Variants in SEPTIN6 observed in about 807,000 individuals in gnomAD.
The protein encoded by SEPTIN6 is septin 6, also known as septin-6.
A neutral mutation model predicts 33.6 loss-of-function variants in SEPTIN6; 8 were observed. The ratio of observed to expected loss-of-function variants is 0.24; its 90% CI spans 0.14 to 0.43. The LOEUF is 0.43. Ranked by LOEUF, SEPTIN6 falls within the 20% of genes least tolerant of loss-of-function variation. The pLI, the probability that SEPTIN6 is intolerant of heterozygous loss-of-function variation, is 1.00. For synonymous variants in SEPTIN6, 131 were observed against 140.0 expected (o/e 0.94, Z 0.45); for missense variants, 250 against 340.8 (o/e 0.73, Z 2.10).
chrX:119,638,657 T>C (rs949962957), intron 6 of SEPTIN6, among the ~76,000 whole-genome samples: 1 of 111,600 alleles, frequency 9.0e-6, no homozygotes, highest in Admixed American at 9.5e-5. Flanking sequence ...TAAGACCCAC[T>C]GAATTAGGAA....
intron 2 of SEPTIN6, among the ~76,000 whole-genome samples, chrX:119,672,773 G>A (rs888771393): frequency 1.8e-5 from 2 of 112,309 alleles, no homozygotes; most frequent in African/African-American, 6.5e-5. Flanking sequence ...ACTTGATGTC[G>A]ATTACTGTGA....
chrX:119,671,789 T>C (rs1443650633), intron 2 of SEPTIN6, among the ~76,000 whole-genome samples: 1 of 111,320 alleles, frequency 9.0e-6, no homozygotes, highest in East Asian at 2.9e-4. Context: ...AAGAAAATAC[T>C]TTGGGGAAAT....
At chrX:119,677,393 C>G (rs923416520) in intron 1 of SEPTIN6, among the ~76,000 whole-genome samples, 4 of 112,105 alleles carry the variant, frequency 3.6e-5, no homozygotes, top group Non-Finnish European at 7.5e-5. Flanking sequence ...CCAACGGCCA[C>G]AGGGGAGGGG....
chrX:119,619,803 G>T lies in SEPTIN6; in HGVS notation c.*290C>A. On this transcript the variant is annotated 3_prime_UTR_variant, in exon 11 of 11. Coordinates refer to ENST00000394610, the MANE Select transcript of SEPTIN6 (RefSeq NM_145799.4). The stretch of plus-strand genomic sequence containing the variant: ...TCTGGCAAAGATGTGGGGGAAGACA[G>T]GGGGGATGGCTGGGGGTGCTGGGAG... 9.6e-7 allele frequency: 1 copy of T among 1,038,412 alleles called. No homozygotes were observed. The highest frequency in any genetic ancestry group is 1.2e-6 in the Non-Finnish European group (1 of 808,952). 85.6% of individuals were successfully genotyped at this position (1,038,412 alleles called of 1,213,427 possible). A position where few individuals can be genotyped will look rare whatever the true frequency, so the allele number is the denominator to read the frequency against.
intron 2 of SEPTIN6, among the ~76,000 whole-genome samples, chrX:119,671,381 G>A (rs1372075259): frequency 1.9e-5 from 2 of 107,222 alleles, no homozygotes; most frequent in East Asian, 3.0e-4. Flanking sequence ...TCCGCCTCCC[G>A]GGTTCACGCC....
chrX:119,620,040 A>G lies in SEPTIN6; in HGVS notation c.*53T>C. ...TGTTGCGCAGGAAAAGGGTGTCTAC[A>G]GGAAGCCCAAACTGAAAATGAAAAG... On this transcript the variant is annotated 3_prime_UTR_variant, in exon 11 of 11. Transcript: ENST00000394610. The G allele has an allele frequency of 8.3e-7, 1 of 1,205,962 alleles. No individual in the cohort carries two copies. Among genetic ancestry groups the G allele is most frequent in the Non-Finnish European group, 1.1e-6 (1 of 891,839 alleles).
chrX:119,624,162 T>G (rs1409658987), intron 10 of SEPTIN6: 20 of 242,515 alleles, frequency 8.2e-5, no homozygotes, highest in African/African-American at 4.2e-4. Flanking sequence ...TTTTTGTTTT[T>G]TTTTTTGTTT....
chrX:119,684,780 C>T (rs895468421), intron 1 of SEPTIN6, among the ~76,000 whole-genome samples: 6 of 111,677 alleles, frequency 5.4e-5, no homozygotes, highest in South Asian at 7.4e-4. Flanking sequence ...TGTGAGCCCC[C>T]GCACACAGCC....
At chrX:119,683,391 A>G (rs2054998590) in intron 1 of SEPTIN6, among the ~76,000 whole-genome samples, 1 of 112,604 alleles carries the variant, frequency 8.9e-6, no homozygotes, top group African/African-American at 3.2e-5. Context: ...AGCCCTGAAC[A>G]CTGATGTCTG....
At chrX:119,651,476 C>T (rs1036890026) in intron 4 of SEPTIN6, among the ~76,000 whole-genome samples, 3 of 111,506 alleles carry the variant, frequency 2.7e-5, no homozygotes, top group African/African-American at 9.8e-5. Context: ...AGTTCGAGAC[C>T]AGCTTGGCCA....
chrX:119,624,143 GGTT>G, intron 10 of SEPTIN6: 1 of 210,638 alleles, frequency 4.7e-6, no homozygotes, highest in Non-Finnish European at 8.8e-6. Context: ...TTTTATTATG[GGTT>G]TTTTTTTTTT....
intron 6 of SEPTIN6, among the ~76,000 whole-genome samples, chrX:119,639,843 G>A (rs924725415): frequency 4.5e-5 from 5 of 110,529 alleles, no homozygotes; most frequent in African/African-American, 6.6e-5. Context: ...TCACTCTGTC[G>A]CCCAGGCTGG....
chrX:119,689,135 T>C (rs1169527022), intron 1 of SEPTIN6, among the ~76,000 whole-genome samples: 2 of 111,972 alleles, frequency 1.8e-5, no homozygotes, highest in African/African-American at 6.5e-5. Context: ...ACTACCTAGA[T>C]TGCCACTAGA....
chrX:119,689,394 G>T (rs1017274785), intron 1 of SEPTIN6, among the ~76,000 whole-genome samples: 6 of 112,195 alleles, frequency 5.3e-5, no homozygotes, highest in African/African-American at 1.9e-4. Context: ...GTGAGGTGGG[G>T]CATCACAAGG....
intron 1 of SEPTIN6, among the ~76,000 whole-genome samples, chrX:119,678,532 T>TAA (rs2054887532): frequency 1.9e-5 from 2 of 104,847 alleles, no homozygotes; most frequent in African/African-American, 6.9e-5. Context: ...AAAAAAAAAA[T>TAA]AAATAAAGAC....
rs756714844 is a variant in SEPTIN6 at position 119,692,756 on chromosome X, G to A, written c.30+320C>T. 3.0e-3 allele frequency among the ~76,000 whole-genome samples: 336 copies of A among 112,710 alleles called. 1 individual carries two copies. Among genetic ancestry groups the A allele is most frequent in the Non-Finnish European group, 4.6e-3 (245 of 53,173 alleles). On this transcript the variant is annotated intron_variant, in intron 1 of 10. Transcript: ENST00000394610. ...CGGCGGCTCCTACGGCCATTCATTC[G>A]GCAACGCCCCAGCCGTGGGGCCGCA... is the stretch of plus-strand genomic sequence containing the variant.
At chrX:119,659,956 G>A (rs754839042) in intron 3 of SEPTIN6, among the ~76,000 whole-genome samples, 4 of 111,928 alleles carry the variant, frequency 3.6e-5, no homozygotes, top group African/African-American at 9.7e-5. Flanking sequence ...CACTGCAACC[G>A]CCACCTTCCG....
At chrX:119,632,357 G>A (rs375944844) in intron 8 of SEPTIN6, among the ~76,000 whole-genome samples, 87 of 109,294 alleles carry the variant, frequency 8.0e-4, no homozygotes, top group African/African-American at 2.5e-3. Flanking sequence ...CACCACGCCC[G>A]GCTAATTTTT....
At chrX:119,653,893 A>C (rs968680534) in intron 3 of SEPTIN6, among the ~76,000 whole-genome samples, 1 of 110,647 alleles carries the variant, frequency 9.0e-6, no homozygotes, top group Middle Eastern at 4.2e-3. Context: ...ACACGGCAAA[A>C]CTTCGTCTCT....
Sources: gnomAD v4.1 joint callset for allele counts (sites outside exome capture counted in the v4.1 genomes callset) on GRCh38, gnomAD v4.1.1 for gene constraint, MANE v1.5 for transcripts, NCBI Gene and HGNC (gene_info 2026-07-23, HGNC 2026-07-21) for gene names.